PLB1: variants seen among roughly 807,000 people sequenced by gnomAD.
PLB1 encodes phospholipase B1.
Under a neutral mutation model 227.4 loss-of-function variants are expected in PLB1, and 242 were observed. That is an observed-to-expected ratio of 1.06 (90% confidence interval 0.96 to 1.18). The LOEUF (loss-of-function observed/expected upper bound fraction) is 1.18. Ranked by LOEUF, PLB1 falls within the 50% of genes most tolerant of loss-of-function variation. The pLI, the probability that PLB1 is intolerant of heterozygous loss-of-function variation, is 0.00. For missense variants in PLB1, 1,858 were observed against 1,816.3 expected, an observed-to-expected ratio of 1.02 and a Z score of -0.42; for synonymous variants, 757 against 682.2, an observed-to-expected ratio of 1.11 and a Z score of -1.71.
chr2:28,560,023 A>G (rs2148234527), intron 17 of PLB1, among the ~76,000 whole-genome samples: 2 of 152,150 alleles, frequency 1.3e-5, no homozygotes, highest in Admixed American at 6.5e-5. Flanking sequence ...AAGTGCTGGG[A>G]TTGTAATCTG....
chr2:28,625,270 C>A (rs1687596003), intron 50 of PLB1, among the ~76,000 whole-genome samples, 162 bp downstream of exon 50: 1 of 152,210 alleles, frequency 6.6e-6, no homozygotes, highest in Non-Finnish European at 1.5e-5. Context: ...CCTGCCCTGG[C>A]CACACTCCTA....
intron 43 of PLB1, 78 bp downstream of exon 43, chr2:28,606,645 A>G: frequency 7.5e-7 from 1 of 1,326,746 alleles, no homozygotes; most frequent in Non-Finnish European, 1.1e-6. Context: ...GTCCTCCACC[A>G]CAGCTTCCTC....
chr2:28,554,177 A>C (rs932610066), intron 17 of PLB1, among the ~76,000 whole-genome samples: 3 of 152,206 alleles, frequency 2.0e-5, no homozygotes, highest in Non-Finnish European at 4.4e-5. Flanking sequence ...GCAGGACTTT[A>C]TTAGCAGAAA....
intron 18 of PLB1, among the ~76,000 whole-genome samples, chr2:28,564,112 C>T (rs953924226): frequency 6.6e-6 from 1 of 152,184 alleles, no homozygotes; most frequent in South Asian, 2.1e-4. Flanking sequence ...CATGGTGACA[C>T]ATGCCTATAG....
At chr2:28,632,304 G>A (rs1349585941) in intron 55 of PLB1, among the ~76,000 whole-genome samples, 164 bp downstream of exon 55, 2 of 151,916 alleles carry the variant, frequency 1.3e-5, no homozygotes, top group African/African-American at 4.8e-5. Context: ...TGGGGGCTGG[G>A]CTGTGATTGG....
chr2:28,627,673 G>A (rs1310509259), intron 51 of PLB1, among the ~76,000 whole-genome samples: 4 of 152,172 alleles, frequency 2.6e-5, no homozygotes, highest in African/African-American at 4.8e-5. Flanking sequence ...TCAGCGAACA[G>A]CACTGGTCCT....
At position 28,601,900 on chromosome 2, in the gene PLB1, A is replaced by G. The variant is rs150747036; in HGVS notation, c.2609A>G (p.Asn870Ser). 13 of 1,603,482 alleles carry G rather than the reference A, an allele frequency of 8.1e-6. No individual in the cohort carries two copies. The African/African-American group carries it at 1.6e-4, about 20-fold the overall frequency. The change falls in exon 38 of 58, where the codon AAT becomes AGT. Residue 870 changes from asparagine (N) to serine (S), a missense_variant and splice_region_variant. Coordinates refer to ENST00000327757, the MANE Select transcript of PLB1 (RefSeq NM_153021.5). ...TTCCTCCTTCCTGTCTCTTTCTAGA[A>G]TCTGTATTCTGCAGCCAACTTTGTT... ...SDLCDYCTDS[N>S]LYSAANFVHH...
intron 39 of PLB1, among the ~76,000 whole-genome samples, chr2:28,603,622 G>A (rs76784707): frequency 4.2e-4 from 64 of 152,316 alleles, no homozygotes; most frequent in African/African-American, 1.4e-3. Flanking sequence ...AACACCAGAG[G>A]ATGCATTTTC....
intron 9 of PLB1, 96 bp from the exon 10 acceptor site, chr2:28,538,223 C>A: frequency 6.7e-7 from 1 of 1,485,926 alleles, no homozygotes; most frequent in East Asian, 2.3e-5. Context: ...TGCCTGTGGT[C>A]TTGCCTGGCA....
chr2:28,513,645 A>G (rs1358903941), intron 1 of PLB1, among the ~76,000 whole-genome samples: 1 of 152,244 alleles, frequency 6.6e-6, no homozygotes, highest in Non-Finnish European at 1.5e-5. Context: ...ATAATTTTGA[A>G]CAGACACTTG....
At chr2:28,540,234 A>T (rs1379592776) in intron 11 of PLB1, 132 bp from the exon 12 acceptor site, 2 of 715,516 alleles carry the variant, frequency 2.8e-6, no homozygotes, top group African/African-American at 3.5e-5. Flanking sequence ...GTCCTCTAAG[A>T]CTTATGCTTC....
chr2:28,618,254 C>G, intron 45 of PLB1, 87 bp from the exon 46 acceptor site: 1 of 1,229,094 alleles, frequency 8.1e-7, no homozygotes, highest in Middle Eastern at 1.9e-4. Context: ...AGCAGTGGGA[C>G]AGAGTTATAG....
chr2:28,634,939 G>A (rs150837168), intron 56 of PLB1, among the ~76,000 whole-genome samples: 1 of 151,978 alleles, frequency 6.6e-6, no homozygotes, highest in Admixed American at 6.6e-5. Context: ...AAAAATATAT[G>A]TAGCTCTGGC....
At chr2:28,603,894 CCTGGG>C in intron 39 of PLB1, 67 bp from the exon 40 acceptor site, 1 of 1,434,774 alleles carries the variant, frequency 7.0e-7, no homozygotes, top group Non-Finnish European at 9.8e-7. Context: ...CTCCCCTGAA[CCTGGG>C]CAATCAGAAC....
intron 37 of PLB1, 133 bp from the exon 38 acceptor site, chr2:28,601,766 T>C: frequency 1.3e-6 from 1 of 759,852 alleles, no homozygotes; most frequent in South Asian, 1.5e-5. Flanking sequence ...TTTGACATGG[T>C]GAGCTGGCCA....
At chr2:28,597,115 T>G (rs527377013) in intron 33 of PLB1, among the ~76,000 whole-genome samples, 1 of 151,470 alleles carries the variant, frequency 6.6e-6, no homozygotes, top group Non-Finnish European at 1.5e-5. Context: ...ACAGAAAAAA[T>G]TAGCTGGGCA....
intron 16 of PLB1, among the ~76,000 whole-genome samples, chr2:28,552,391 G>A (rs539703973): frequency 1.3e-5 from 2 of 152,334 alleles, no homozygotes; most frequent in African/African-American, 2.4e-5. Flanking sequence ...AGGCCTCTTA[G>A]GCCATGCTAG....
chr2:28,541,477 G>A (rs921690584), intron 12 of PLB1, among the ~76,000 whole-genome samples: 7 of 152,216 alleles, frequency 4.6e-5, no homozygotes, highest in African/African-American at 1.7e-4. Flanking sequence ...TATATTTTAG[G>A]TCTGTCTGTG....
At chr2:28,602,026 G>C (rs542708311) in intron 38 of PLB1, 62 bp downstream of exon 38, 14 of 1,412,986 alleles carry the variant, frequency 9.9e-6, no homozygotes, top group Admixed American at 3.4e-5. Flanking sequence ...AAGGTGGATG[G>C]GGGGAAAGAA....
Sources: gnomAD v4.1 joint callset for allele counts (sites outside exome capture counted in the v4.1 genomes callset) on GRCh38, gnomAD v4.1.1 for gene constraint, MANE v1.5 for transcripts, NCBI Gene and HGNC (gene_info 2026-07-23, HGNC 2026-07-21) for gene names.